SLC16A12: variants seen among roughly 807,000 people sequenced by gnomAD.
SLC16A12 encodes monocarboxylate transporter 12.
Under a neutral mutation model 42.4 loss-of-function variants are expected in SLC16A12, and 17 were observed. That is an observed-to-expected ratio of 0.40 (90% CI 0.27 to 0.60). The LOEUF is 0.60. Ranked by LOEUF, SLC16A12 falls within the 20% of genes least tolerant of loss-of-function variation. The pLI, the probability that SLC16A12 is intolerant of heterozygous loss-of-function variation, is 0.42. For synonymous variants in SLC16A12, 224 were observed against 229.4 expected, an observed-to-expected ratio of 0.98 and a Z score of 0.21; for missense variants, 544 against 623.0, an observed-to-expected ratio of 0.87 and a Z score of 1.35.
intron 2 of SLC16A12, among the ~76,000 whole-genome samples, chr10:89,515,723 C>T (rs565611906): frequency 1.4e-3 from 212 of 152,224 alleles, no homozygotes; most frequent in Non-Finnish European, 2.5e-3. Context: ...AAGAGCACCC[C>T]CTCACTCTCC....
intron 2 of SLC16A12, among the ~76,000 whole-genome samples, chr10:89,530,888 C>T (rs61855204): frequency 0.019 from 2,873 of 152,248 alleles, 36 homozygotes; most frequent in Non-Finnish European, 0.031. Flanking sequence ...TATGCATTTG[C>T]TTATTATGGA....
chr10:89,500,436 T>A (rs888347837), intron 2 of SLC16A12, among the ~76,000 whole-genome samples: 1 of 152,118 alleles, frequency 6.6e-6, no homozygotes, highest in African/African-American at 2.4e-5. Context: ...AAAAAGATAA[T>A]CCACCATGAT....
intron 2 of SLC16A12, among the ~76,000 whole-genome samples, chr10:89,547,656 C>A (rs1191406702): frequency 6.6e-6 from 1 of 152,074 alleles, no homozygotes; most frequent in Non-Finnish European, 1.5e-5. Context: ...GAAAAGGGTA[C>A]ATGATTATTT....
At chr10:89,512,882 TG>T (rs1306966532) in intron 2 of SLC16A12, among the ~76,000 whole-genome samples, 2 of 152,156 alleles carry the variant, frequency 1.3e-5, no homozygotes, top group African/African-American at 4.8e-5. Flanking sequence ...GCATCTGAAG[TG>T]GGGGCTGTCT....
intron 2 of SLC16A12, among the ~76,000 whole-genome samples, chr10:89,528,653 C>T (rs558562127): frequency 2.6e-5 from 4 of 152,242 alleles, no homozygotes; most frequent in East Asian, 1.9e-4. Flanking sequence ...ATATACCACA[C>T]ATGAAATTTT....
intron 2 of SLC16A12, among the ~76,000 whole-genome samples, chr10:89,506,578 C>A (rs946612968): frequency 5.9e-5 from 9 of 152,194 alleles, no homozygotes; most frequent in Non-Finnish European, 1.3e-4. Flanking sequence ...AGGTCACCAA[C>A]ATCAAAGACC....
At chr10:89,532,114 AAGAAGT>A (rs1843564912) in intron 2 of SLC16A12, among the ~76,000 whole-genome samples, 1 of 152,262 alleles carries the variant, frequency 6.6e-6, no homozygotes, top group Admixed American at 6.5e-5. Context: ...ATCTTTTAAT[AAGAAGT>A]AGAAGTTCAA....
At chr10:89,534,223 G>C (rs1283307866) in intron 2 of SLC16A12, among the ~76,000 whole-genome samples, 1 of 152,178 alleles carries the variant, frequency 6.6e-6, no homozygotes, top group Non-Finnish European at 1.5e-5. Flanking sequence ...GCAGGGGGTG[G>C]AGGATGTCAA....
chr10:89,467,602 C>G (rs552414840), intron 2 of SLC16A12, among the ~76,000 whole-genome samples: 1 of 152,182 alleles, frequency 6.6e-6, no homozygotes, highest in Admixed American at 6.5e-5. Context: ...CAAAAAAAGA[C>G]GCTCATCTAC....
intron 2 of SLC16A12, among the ~76,000 whole-genome samples, chr10:89,463,422 A>G (rs1043309026): frequency 5.9e-5 from 9 of 152,144 alleles, no homozygotes; most frequent in African/African-American, 2.2e-4. Flanking sequence ...ATCAGTGAAG[A>G]AAAAAAGTAT....
At chr10:89,521,903 T>C (rs1381319840) in intron 2 of SLC16A12, among the ~76,000 whole-genome samples, 2 of 152,184 alleles carry the variant, frequency 1.3e-5, no homozygotes, top group Non-Finnish European at 2.9e-5. Context: ...CATCAAGTGG[T>C]CTTTATTGTA....
Position 89,438,799 on chromosome 10 carries a change from A to T in SLC16A12, c.833T>A (p.Leu278Ter). The T allele has an allele frequency of 6.2e-7, 1 of 1,614,216 alleles. No individual in the cohort carries two copies. The highest frequency in any genetic ancestry group is 8.5e-7 in the Non-Finnish European group (1 of 1,180,042). ...TAACACAACAAAGTCTGACATGAGT[A>T]AAAAACTGTACTCTTGCTGCAAACA... Reference protein sequence around the residue: ...CCCLQQEYSFLLMSDFVVLAV... With the variant: ...CCCLQQEYSF Residue 278 changes from leucine (L) to a stop codon, truncating the protein, a stop_gained, in exon 6 of 8, where the codon TTA becomes TAA. Coordinates refer to ENST00000371790, the MANE Select transcript of SLC16A12 (RefSeq NM_213606.4). LOFTEE classifies it high-confidence loss of function.
chr10:89,444,686 T>C (rs549411958), intron 3 of SLC16A12, among the ~76,000 whole-genome samples: 5 of 152,310 alleles, frequency 3.3e-5, no homozygotes, highest in Admixed American at 6.5e-5. Flanking sequence ...CCCAGCGTGA[T>C]TGATGCAGAA....
At chr10:89,539,917 T>C (rs139653962), upstream of SLC16A12, among the ~76,000 whole-genome samples, 7 of 136,952 alleles carry the variant, frequency 5.1e-5, no homozygotes, top group African/African-American at 1.9e-4. Context: ...TTCTTTTTTC[T>C]TTTTTTCTTT....
intron 2 of SLC16A12, among the ~76,000 whole-genome samples, chr10:89,507,815 C>T (rs951453520): frequency 1.6e-4 from 24 of 152,112 alleles, no homozygotes; most frequent in African/African-American, 5.6e-4. Flanking sequence ...TCCATCAGTG[C>T]ACTGTATTCA....
intron 3 of SLC16A12, among the ~76,000 whole-genome samples, chr10:89,462,168 C>T (rs1842310794): frequency 6.6e-6 from 1 of 151,988 alleles, no homozygotes; most frequent in South Asian, 2.1e-4. Context: ...ACACACCCCA[C>T]ATGAAAAGAC....
intron 2 of SLC16A12, among the ~76,000 whole-genome samples, chr10:89,494,116 C>T (rs1035841852): frequency 2.0e-5 from 3 of 152,202 alleles, no homozygotes; most frequent in African/African-American, 7.2e-5. Flanking sequence ...TTTCAATTAT[C>T]TAACACGAAA....
Position 89,510,385 on chromosome 10 carries a change from G to A in SLC16A12, c.-47+24116C>T, listed in dbSNP as rs151203531. Reference sequence around the variant, plus strand: ...CAGCATGGTACTGGTACCAAAACAGGTATACAGACAAATGGAACGGAACAG... The same window carrying A: ...CAGCATGGTACTGGTACCAAAACAGATATACAGACAAATGGAACGGAACAG... On this transcript the variant is annotated intron_variant, in intron 2 of 7. Coordinates refer to ENST00000371790, the MANE Select transcript of SLC16A12 (RefSeq NM_213606.4). Among the ~76,000 whole-genome samples the A allele has an allele frequency of 4.6e-5, 7 of 152,152 alleles. No homozygotes were observed. The East Asian group carries it at 1.4e-3, about 29-fold the overall frequency.
intron 2 of SLC16A12, among the ~76,000 whole-genome samples, chr10:89,517,992 A>G (rs1051775873): frequency 3.3e-5 from 5 of 152,220 alleles, no homozygotes; most frequent in African/African-American, 1.2e-4. Context: ...AGACTTGGGG[A>G]AAACAGACTA....
Sources: gnomAD v4.1 joint callset for allele counts (sites outside exome capture counted in the v4.1 genomes callset) on GRCh38, gnomAD v4.1.1 for gene constraint, MANE v1.5 for transcripts, NCBI Gene and HGNC (gene_info 2026-07-23, HGNC 2026-07-21) for gene names.